Variants in UNC5D observed in about 807,000 individuals in gnomAD.
UNC5D encodes unc-5 netrin receptor D.
Under a neutral mutation model 105.4 loss-of-function variants are expected in UNC5D, and 39 were observed. That is an observed-to-expected ratio of 0.37 (90% confidence interval 0.29 to 0.48). The LOEUF is 0.48. UNC5D is among the 20% of genes least tolerant of loss of function. UNC5D has a pLI of 0.98. For missense variants in UNC5D, 991 were observed against 1,202.4 expected, an observed-to-expected ratio of 0.82 and a Z score of 2.60; for synonymous variants, 452 against 450.4, an observed-to-expected ratio of 1.00 and a Z score of -0.04.
chr8:35,474,604 G>A (rs1210282000), intron 1 of UNC5D, among the ~76,000 whole-genome samples: 3 of 152,082 alleles, frequency 2.0e-5, no homozygotes, highest in Non-Finnish European at 4.4e-5. Flanking sequence ...TGAAGCTGTG[G>A]GGCTTTCTCT....
At chr8:35,728,093 A>ATAT (rs1263586222) in intron 10 of UNC5D, among the ~76,000 whole-genome samples, 70 of 122,500 alleles carry the variant, frequency 5.7e-4, no homozygotes, top group African/African-American at 2.8e-3. Context: ...AAAAAAAAAA[A>ATAT]AAATATATAT....
chr8:35,645,455 A>G (rs1822987301), intron 4 of UNC5D, among the ~76,000 whole-genome samples: 1 of 152,126 alleles, frequency 6.6e-6, no homozygotes, highest in African/African-American at 2.4e-5. Context: ...AAGCTAAAGA[A>G]AAACTGCATA....
At chr8:35,313,626 G>A (rs1418572268) in intron 1 of UNC5D, among the ~76,000 whole-genome samples, 12 of 152,158 alleles carry the variant, frequency 7.9e-5, no homozygotes. Flanking sequence ...TATTTCAGTT[G>A]TCTCTTTTTG....
chr8:35,756,142 T>C (rs1164795495), intron 13 of UNC5D, among the ~76,000 whole-genome samples: 5 of 152,210 alleles, frequency 3.3e-5, no homozygotes. Flanking sequence ...TATTAGTTCA[T>C]TACCAGGCTT....
chr8:35,507,247 G>A (rs1379882601), intron 1 of UNC5D, among the ~76,000 whole-genome samples: 1 of 151,472 alleles, frequency 6.6e-6, no homozygotes, highest in Non-Finnish European at 1.5e-5. Context: ...AGTAGAGACG[G>A]GGTTTCACCG....
At chr8:35,533,390 G>T (rs1032087815) in intron 1 of UNC5D, among the ~76,000 whole-genome samples, 3 of 152,120 alleles carry the variant, frequency 2.0e-5, no homozygotes, top group South Asian at 4.2e-4. Flanking sequence ...CACTTGAGGA[G>T]GCAGTCTGCC....
At chr8:35,500,533 A>G (rs536358214) in intron 1 of UNC5D, among the ~76,000 whole-genome samples, 7 of 152,350 alleles carry the variant, frequency 4.6e-5, no homozygotes, top group Non-Finnish European at 8.8e-5. Flanking sequence ...ATGTGACCCA[A>G]TGAATGAAAT....
In UNC5D at chr8:35,738,602, A is replaced by G. The variant is rs1312375265; in HGVS notation, c.1766+7506A>G. On this transcript the variant is annotated intron_variant, in intron 11 of 16. Transcript: ENST00000404895. Reference sequence around the variant, plus strand: ...CCAAGAGCCTCATGAAGATACAGATAACTCCCTGCATCAATTCCTTTGAGT... The same window carrying G: ...CCAAGAGCCTCATGAAGATACAGATGACTCCCTGCATCAATTCCTTTGAGT... Among the ~76,000 whole-genome samples the G allele has an allele frequency of 2.0e-5, 3 of 152,228 alleles. No homozygotes were observed. The East Asian group carries it at 5.8e-4, about 29-fold the overall frequency.
chr8:35,791,954 C>G lies in UNC5D; in HGVS notation c.*1391C>G, dbSNP rs1347798126. On this transcript the variant is annotated 3_prime_UTR_variant, in exon 17 of 17. Coordinates refer to ENST00000404895, the MANE Select transcript of UNC5D (RefSeq NM_080872.4). Reference sequence around the variant, plus strand: ...ATTAAATTATTTTTGACAAGATGTCCTGGTAGACTAAAGGTGAACAGATTT... The same window carrying G: ...ATTAAATTATTTTTGACAAGATGTCGTGGTAGACTAAAGGTGAACAGATTT... 6.6e-6 allele frequency: 1 copy of G among 152,006 alleles called. No individual in the cohort carries two copies. 9.4% of individuals were successfully genotyped at this position (152,006 alleles called of 1,614,324 possible). A position where few individuals can be genotyped will look rare whatever the true frequency, so the allele number is the denominator to read the frequency against.
intron 1 of UNC5D, among the ~76,000 whole-genome samples, chr8:35,329,845 G>A (rs927451046): frequency 6.6e-6 from 1 of 151,924 alleles, no homozygotes; most frequent in Non-Finnish European, 1.5e-5. Flanking sequence ...GCTTGTCTCT[G>A]AACTTGGATC....
intron 3 of UNC5D, among the ~76,000 whole-genome samples, chr8:35,577,195 T>C (rs2130824520): frequency 6.6e-6 from 1 of 152,366 alleles, no homozygotes; most frequent in South Asian, 2.1e-4. Context: ...ACATAACTAG[T>C]ATCATTATCA....
rs114743910 is a variant in UNC5D, at chr8:35,331,232, T to C, written c.103+95345T>C. Among the ~76,000 whole-genome samples the C allele has an allele frequency of 9.5e-3, 1,450 of 152,286 alleles. 29 individuals are homozygous for C. The highest frequency in any genetic ancestry group is 0.034 in the African/African-American group (1,410 of 41,552). On this transcript the variant is annotated intron_variant, in intron 1 of 16. Transcript: ENST00000404895. ...ACAGGAGAGTTATATTGGGGGGCCA[T>C]TGGGCTTGCTTGAAGTCCAGTGGTT...
In UNC5D at chr8:35,685,808, AT is replaced by A. The variant is rs112101362; in HGVS notation, c.920-729del. Among the ~76,000 whole-genome samples, 420 of 152,026 alleles carry A rather than the reference AT, an allele frequency of 2.8e-3. 13 individuals are homozygous for A. The highest frequency in any genetic ancestry group is 0.022 in the Admixed American group (341 of 15,256). ...TCAGACATTTTGCTTCAAGTTCAGT[AT>A]TTTTTTTATAGTACCCTATTCTTGA... is the stretch of plus-strand genomic sequence containing the variant. On this transcript the variant is annotated intron_variant, in intron 6 of 16. Coordinates refer to ENST00000404895, the MANE Select transcript of UNC5D (RefSeq NM_080872.4).
At chr8:35,703,391 G>A (rs375787827) in intron 7 of UNC5D, among the ~76,000 whole-genome samples, 4 of 152,216 alleles carry the variant, frequency 2.6e-5, no homozygotes, top group Admixed American at 6.5e-5. Flanking sequence ...GAGGACACAC[G>A]GAATGTAGAC....
At chr8:35,248,092 A>G (rs1477290819) in intron 1 of UNC5D, among the ~76,000 whole-genome samples, 27 of 69,942 alleles carry the variant, frequency 3.9e-4, no homozygotes, top group African/African-American at 1.6e-3. Flanking sequence ...TATAATATAT[A>G]AATATATATT....
intron 2 of UNC5D, among the ~76,000 whole-genome samples, chr8:35,554,572 T>G (rs954216914): frequency 2.0e-5 from 3 of 152,172 alleles, no homozygotes; most frequent in African/African-American, 7.2e-5. Context: ...GGAGCTTTAC[T>G]CTAACAGGCA....
intron 12 of UNC5D, among the ~76,000 whole-genome samples, chr8:35,749,251 C>A (rs1830147085): frequency 1.3e-5 from 2 of 151,874 alleles, no homozygotes; most frequent in South Asian, 4.2e-4. Flanking sequence ...CAGTAGGAGA[C>A]AAGGAAAGAG....
chr8:35,271,132 A>C (rs1441679753), intron 1 of UNC5D, among the ~76,000 whole-genome samples: 1 of 150,794 alleles, frequency 6.6e-6, no homozygotes, highest in Non-Finnish European at 1.5e-5. Context: ...ACAGGAATGC[A>C]AAAAATTTGA....
chr8:35,616,615 G>A (rs919678468), intron 4 of UNC5D, among the ~76,000 whole-genome samples: 1 of 152,148 alleles, frequency 6.6e-6, no homozygotes, highest in Non-Finnish European at 1.5e-5. Flanking sequence ...TGATGGGATG[G>A]GAGAGACACT....
Sources: gnomAD v4.1 joint callset for allele counts (sites outside exome capture counted in the v4.1 genomes callset) on GRCh38, gnomAD v4.1.1 for gene constraint, MANE v1.5 for transcripts, NCBI Gene and HGNC (gene_info 2026-07-23, HGNC 2026-07-21) for gene names.